ZNF92: variants seen among roughly 807,000 people sequenced by gnomAD.
ZNF92 encodes the protein epididymis luminal protein 203.
A neutral mutation model predicts 12.4 loss-of-function variants in ZNF92; 11 were observed. The ratio of observed to expected loss-of-function variants is 0.89; its 90% CI spans 0.56 to 1.47. ZNF92 has a LOEUF of 1.47. Ranked by LOEUF, ZNF92 falls within the 40% of genes most tolerant of loss-of-function variation. The probability of loss-of-function intolerance (pLI) is 0.00; values close to 1 mark genes in which losing one functional copy is unlikely to be tolerated. For missense variants in ZNF92, 622 were observed against 681.0 expected (o/e 0.91, Z 0.96); for synonymous variants, 206 against 228.6 (o/e 0.90, Z 0.89).
intron 1 of ZNF92, among the ~76,000 whole-genome samples, chr7:65,374,548 A>C (rs1034557028): frequency 1.3e-5 from 2 of 152,070 alleles, no homozygotes; most frequent in African/African-American, 4.8e-5. Flanking sequence ...ATGAAAAAAA[A>C]CAAGTTTAAT....
chr7:65,385,289 T>C (rs946960286), intron 1 of ZNF92, among the ~76,000 whole-genome samples: 1 of 152,134 alleles, frequency 6.6e-6, no homozygotes, highest in Non-Finnish European at 1.5e-5. Flanking sequence ...AGCTAAGCGT[T>C]TATCAGCCCA....
At chr7:65,383,463 A>G (rs1459136133) in intron 1 of ZNF92, among the ~76,000 whole-genome samples, 2 of 152,120 alleles carry the variant, frequency 1.3e-5, no homozygotes, top group Non-Finnish European at 2.9e-5. Flanking sequence ...CATTCTCTGC[A>G]TTGTGAGATG....
At chr7:65,394,159 G>A (rs1446542659) in intron 3 of ZNF92, among the ~76,000 whole-genome samples, 1 of 151,902 alleles carries the variant, frequency 6.6e-6, no homozygotes, top group Non-Finnish European at 1.5e-5. Flanking sequence ...CCAATGTAAT[G>A]TCTTTCCTCT....
chr7:65,399,157 A>G lies in ZNF92; in HGVS notation c.1043A>G (p.Lys348Arg), dbSNP rs1369509958. Residue 348 changes from lysine to arginine, a missense_variant, in exon 4 of 4, where the codon AAA becomes AGA. Physicochemically the swap from Lys to Arg is conservative, Grantham distance 26. Transcript: ENST00000328747. Reference sequence around the variant, plus strand: ...CCATACAAATGTGAAGAATGTGGCAAAGCCTTTAACCAGTTCTCAAACCTT... The same window carrying G: ...CCATACAAATGTGAAGAATGTGGCAGAGCCTTTAACCAGTTCTCAAACCTT... ...EKPYKCEECG[K>R]AFNQFSNLTK... 1 of 1,613,520 alleles carries G rather than the reference A, an allele frequency of 6.2e-7. No homozygotes were observed. The highest frequency in any genetic ancestry group is 2.2e-5 in the East Asian group (1 of 44,840).
intron 1 of ZNF92, among the ~76,000 whole-genome samples, chr7:65,380,732 A>G (rs993096262): frequency 8.5e-5 from 13 of 152,092 alleles, no homozygotes; most frequent in African/African-American, 3.1e-4. Context: ...AGGTGGGTCA[A>G]ATGGTAATTC....
chr7:65,374,021 A>T (rs747698851), intron 1 of ZNF92, 21 bp downstream of exon 1: 2 of 1,613,950 alleles, frequency 1.2e-6, no homozygotes, highest in African/African-American at 1.3e-5. Flanking sequence ...TGGGTCCCAC[A>T]TCCCGAGAGA....
At chr7:65,383,440 A>C (rs1365889282) in intron 1 of ZNF92, among the ~76,000 whole-genome samples, 1 of 152,068 alleles carries the variant, frequency 6.6e-6, no homozygotes, top group Admixed American at 6.6e-5. Context: ...ATGTACAGAA[A>C]ACCAAGAGGA....
intron 3 of ZNF92, among the ~76,000 whole-genome samples, chr7:65,390,816 C>T (rs1793691649): frequency 6.6e-6 from 1 of 152,100 alleles, no homozygotes; most frequent in Admixed American, 6.6e-5. Flanking sequence ...CTTCAGAGAC[C>T]ACAGTAAAGG....
rs1428562577 is a variant in ZNF92 at position 65,398,367 on chromosome 7, G to A, written c.253G>A (p.Val85Ile). The change falls in exon 4 of 4, where the codon GTT becomes ATT. Residue 85 changes from valine (V) to isoleucine (I), a missense_variant. Transcript: ENST00000328747. ...TATGTGTTCTCATTTTGCCCAAGAT[G>A]TTTGGCCAGAGCACAGCATAAAAGA... ...PVMCSHFAQD[V>I]WPEHSIKDSF... 1.3e-6 allele frequency: 2 copies of A among 1,566,272 alleles called. No individual in the cohort carries two copies. The highest frequency in any genetic ancestry group is 1.2e-5 in the South Asian group (1 of 83,104).
At chr7:65,394,525 T>A (rs1490283711) in intron 3 of ZNF92, among the ~76,000 whole-genome samples, 1 of 152,160 alleles carries the variant, frequency 6.6e-6, no homozygotes, top group African/African-American at 2.4e-5. Context: ...TAGTTATAGA[T>A]TTTAATCAAA....
At chr7:65,378,154 T>A (rs1793299355) in intron 1 of ZNF92, among the ~76,000 whole-genome samples, 1 of 149,882 alleles carries the variant, frequency 6.7e-6, no homozygotes, top group South Asian at 2.1e-4. Flanking sequence ...AAAAATCAGC[T>A]GGGTGTGGTG....
At chr7:65,395,457 CAT>C (rs1793821611) in intron 3 of ZNF92, among the ~76,000 whole-genome samples, 1 of 152,036 alleles carries the variant, frequency 6.6e-6, no homozygotes, top group Non-Finnish European at 1.5e-5. Flanking sequence ...AAGTTTTGTA[CAT>C]GTCTGTTAAG....
At position 65,379,952 on chromosome 7, in the gene ZNF92, A is replaced by G. The variant is rs145409021; in HGVS notation, c.3+5952A>G. On this transcript the variant is annotated intron_variant, in intron 1 of 3. Transcript: ENST00000328747. ...GTGTTGTGGGTGTTTGGTGTAGACTATTTTGTCTCTGAGGTACTAAGCATA... is the reference window on the plus strand; with the variant it reads ...GTGTTGTGGGTGTTTGGTGTAGACTGTTTTGTCTCTGAGGTACTAAGCATA... 6.6e-5 allele frequency among the ~76,000 whole-genome samples: 10 copies of G among 152,038 alleles called. 1 individual carries two copies. The highest frequency in any genetic ancestry group is 1.4e-4 in the African/African-American group (6 of 41,454).
chr7:65,387,646 A>G (rs187281240), intron 1 of ZNF92, among the ~76,000 whole-genome samples: 4 of 152,250 alleles, frequency 2.6e-5, no homozygotes, highest in Non-Finnish European at 4.4e-5. Flanking sequence ...CCTTAATTTT[A>G]TACTTTATCA....
At chr7:65,378,614 C>T (rs921184629) in intron 1 of ZNF92, among the ~76,000 whole-genome samples, 24 of 151,780 alleles carry the variant, frequency 1.6e-4, no homozygotes, top group African/African-American at 4.8e-4. Flanking sequence ...TGGTGGCGGG[C>T]GCCTGTAGTC....
At chr7:65,395,074 G>A (rs1793812333) in intron 3 of ZNF92, among the ~76,000 whole-genome samples, 1 of 152,074 alleles carries the variant, frequency 6.6e-6, no homozygotes, top group African/African-American at 2.4e-5. Context: ...TTGGTCTTAA[G>A]TTTATTTATT....
At chr7:65,384,712 A>T (rs962021766) in intron 1 of ZNF92, among the ~76,000 whole-genome samples, 3 of 151,982 alleles carry the variant, frequency 2.0e-5, no homozygotes, top group Non-Finnish European at 2.9e-5. Flanking sequence ...TCATCTGTCT[A>T]TATGTAGCTT....
intron 1 of ZNF92, among the ~76,000 whole-genome samples, chr7:65,378,181 C>A (rs1247470395): frequency 6.6e-6 from 1 of 151,346 alleles, no homozygotes; most frequent in African/African-American, 2.4e-5. Flanking sequence ...GACTGTAATC[C>A]CAGTTACTCA....
In ZNF92 at chr7:65,399,204, A is replaced by G. The variant is rs1415060207; in HGVS notation, c.1090A>G (p.Thr364Ala). 4 of 1,613,228 alleles carry G rather than the reference A, an allele frequency of 2.5e-6. 1 individual carries two copies. Among genetic ancestry groups the G allele is most frequent in the Non-Finnish European group, 3.4e-6 (4 of 1,179,724 alleles). Reference sequence around the variant, plus strand: ...CCTTACTAAACATAAGATAATTCATACTGGAGAGAAACCCTACAAATGTGA... The same window carrying G: ...CCTTACTAAACATAAGATAATTCATGCTGGAGAGAAACCCTACAAATGTGA... ...SNLTKHKIIH[T>A]GEKPYKCDEC... The change falls in exon 4 of 4, where the codon ACT becomes GCT. Residue 364 changes from threonine to alanine, a missense_variant. By Grantham distance (58) the Thr-to-Ala change is moderately conservative. Transcript: ENST00000328747.
Sources: allele counts gnomAD v4.1 joint callset (sites outside exome capture counted in the v4.1 genomes callset), GRCh38; gene constraint gnomAD v4.1.1; transcripts MANE v1.5; gene names NCBI Gene and HGNC (gene_info 2026-07-23, HGNC 2026-07-21).